The following CD86 variants were observed in gnomAD, a reference collection of about 807,000 sequenced individuals.
CD86 encodes the protein CD86 molecule, also known as T-lymphocyte activation antigen CD86.
In CD86, 11 loss-of-function variants were observed where a neutral mutation model predicts 32.1. The ratio of observed to expected loss-of-function variants is 0.34; its 90% CI spans 0.22 to 0.57. The LOEUF is 0.57. Among genes scored for constraint, CD86 ranks in the 20% least tolerant of loss-of-function variants. The pLI is 0.86. For missense variants in CD86, 359 were observed against 398.4 expected (o/e 0.90, Z 0.84); for synonymous variants, 137 against 135.3 (o/e 1.01, Z -0.09).
At chr3:122,083,453 C>T (rs1258137023) in intron 1 of CD86, among the ~76,000 whole-genome samples, 1 of 152,170 alleles carries the variant, frequency 6.6e-6, no homozygotes, top group Admixed American at 6.5e-5. Context: ...GCCGAGAACT[C>T]TTCCTGTCAA....
intron 4 of CD86, among the ~76,000 whole-genome samples, chr3:122,106,840 G>GCACACACACACACACA (rs56759758): frequency 0.024 from 3,515 of 143,484 alleles, 95 homozygotes; most frequent in African/African-American, 0.059. Context: ...ACATGCGCTT[G>GCACACACACACACACA]CACACACACA....
chr3:122,095,845 A>G (rs2072898891), intron 2 of CD86, among the ~76,000 whole-genome samples: 1 of 152,192 alleles, frequency 6.6e-6, no homozygotes, highest in South Asian at 2.1e-4. Context: ...ATGAGCAATC[A>G]GACAAGTTGA....
Position 122,119,714 on chromosome 3 carries a change from A to G in CD86, c.*180A>G. On this transcript the variant is annotated 3_prime_UTR_variant, in exon 7 of 7. Coordinates refer to ENST00000330540, the MANE Select transcript of CD86 (RefSeq NM_175862.5). ...TAACTCCAGCTCTGCTCCGTATGCC[A>G]AGAGGAGACTTTAATTCTCTTACTG... is the stretch of plus-strand genomic sequence containing the variant. The G allele has an allele frequency of 1.8e-6, 1 of 564,102 alleles. No homozygotes were observed. The highest frequency in any genetic ancestry group is 3.1e-6 in the Non-Finnish European group (1 of 318,442). The allele number at this position is 564,102 out of a possible 1,614,324, so 34.9% of individuals were successfully genotyped here. A position where few individuals can be genotyped will look rare whatever the true frequency, so the allele number is the denominator to read the frequency against.
intron 4 of CD86, 100 bp from the exon 5 acceptor site, chr3:122,109,165 C>T (rs1234582499): frequency 2.3e-6 from 3 of 1,278,560 alleles, no homozygotes; most frequent in Non-Finnish European, 3.3e-6. Context: ...GCCTTAGAGC[C>T]CTGGGGAGAG....
intron 2 of CD86, among the ~76,000 whole-genome samples, chr3:122,098,371 A>G (rs766552418): frequency 2.0e-5 from 3 of 152,308 alleles, no homozygotes; most frequent in Non-Finnish European, 2.9e-5. Context: ...AGGGAACAAC[A>G]TGAGAAGAGG....
At chr3:122,063,036 G>A (rs2072361275) in intron 1 of CD86, among the ~76,000 whole-genome samples, 1 of 152,104 alleles carries the variant, frequency 6.6e-6, no homozygotes, top group African/African-American at 2.4e-5. Flanking sequence ...AAGCAACAAA[G>A]CTGCCTAAAA....
chr3:122,119,663 T>G lies in CD86; in HGVS notation c.*129T>G. 1 of 628,678 alleles carries G rather than the reference T, an allele frequency of 1.6e-6. No individual in the cohort carries two copies. The highest frequency in any genetic ancestry group is 1.8e-5 in the African/African-American group (1 of 54,116). The allele number at this position is 628,678 out of a possible 1,614,324, so 38.9% of individuals were successfully genotyped here. ...ATGAGTAATAAGGGGGCTCCAGGACTCCCTCTAAGTGGAATAGCCTCCCTG... is the reference window on the plus strand; with the variant it reads ...ATGAGTAATAAGGGGGCTCCAGGACGCCCTCTAAGTGGAATAGCCTCCCTG... On this transcript the variant is annotated 3_prime_UTR_variant, in exon 7 of 7. Coordinates refer to ENST00000330540, the MANE Select transcript of CD86 (RefSeq NM_175862.5).
chr3:122,118,117 G>C (rs2073283526), intron 6 of CD86, 24 bp downstream of exon 6: 1 of 1,435,366 alleles, frequency 7.0e-7, no homozygotes, highest in African/African-American at 3.0e-5. Flanking sequence ...CTGAGACATT[G>C]ATGAGAGAGA....
chr3:122,103,757 G>A lies in CD86; in HGVS notation c.310G>A (p.Asp104Asn). The A allele has an allele frequency of 6.2e-7, 1 of 1,613,994 alleles. No individual in the cohort carries two copies. Among genetic ancestry groups the A allele is most frequent in the Non-Finnish European group, 8.5e-7 (1 of 1,179,892 alleles). ...GAGACTTCACAATCTTCAGATCAAG[G>A]ACAAGGGCTTGTATCAATGTATCAT... ...TLRLHNLQIK[D>N]KGLYQCIIHH... Residue 104 changes from aspartate (D) to asparagine (N), a missense_variant, in exon 3 of 7, where the codon GAC becomes AAC. Physicochemically the swap from Asp to Asn is conservative, Grantham distance 23 (BLOSUM62 1). Coordinates refer to ENST00000330540, the MANE Select transcript of CD86 (RefSeq NM_175862.5).
chr3:122,065,998 G>A (rs183216786), intron 1 of CD86, among the ~76,000 whole-genome samples: 1 of 152,236 alleles, frequency 6.6e-6, no homozygotes, highest in East Asian at 1.9e-4. Flanking sequence ...GACCTCTCTG[G>A]CTTGTTAAGT....
At chr3:122,113,711 C>T (rs558092418) in intron 5 of CD86, among the ~76,000 whole-genome samples, 2 of 152,138 alleles carry the variant, frequency 1.3e-5, no homozygotes, top group South Asian at 4.1e-4. Flanking sequence ...AGAAACTTTA[C>T]AAAAATAGAA....
chr3:122,106,268 C>T lies in CD86; in HGVS notation c.471C>T (p.Cys157=), dbSNP rs1247855364. The change falls in exon 4 of 7, where the codon TGC becomes TGT. Residue 157 remains cysteine, a synonymous_variant. Coordinates refer to ENST00000330540, the MANE Select transcript of CD86 (RefSeq NM_175862.5). ...AAAATGTGTACATAAATTTGACCTG[C>T]TCATCTATACACGGTTACCCAGAAC... ...ITENVYINLT[C]SSIHGYPEPK... 2 of 1,613,386 alleles carry T rather than the reference C, an allele frequency of 1.2e-6. No homozygotes were observed. The highest frequency in any genetic ancestry group is 1.7e-6 in the Non-Finnish European group (2 of 1,179,628).
At chr3:122,093,013 C>T (rs1366879819) in intron 2 of CD86, among the ~76,000 whole-genome samples, 1 of 152,194 alleles carries the variant, frequency 6.6e-6, no homozygotes, top group African/African-American at 2.4e-5. Context: ...ACAACAGCAG[C>T]TTCCAACCCC....
chr3:122,117,875 G>A (rs1008124629), intron 5 of CD86, among the ~76,000 whole-genome samples, 173 bp from the exon 6 acceptor site: 1 of 152,188 alleles, frequency 6.6e-6, no homozygotes, highest in Non-Finnish European at 1.5e-5. Flanking sequence ...TTGAATGCAA[G>A]AAACTTCTTC....
chr3:122,101,511 AAAAT>A (rs1386116965), intron 2 of CD86, among the ~76,000 whole-genome samples: 24 of 24,922 alleles, frequency 9.6e-4, no homozygotes, highest in African/African-American at 2.6e-3. Context: ...AAAAAAAAAA[AAAAT>A]ATATATATAT....
chr3:122,062,266 G>A (rs2715278), intron 1 of CD86, among the ~76,000 whole-genome samples: 24,342 of 152,100 alleles, frequency 0.16, 2,101 homozygotes, highest in Non-Finnish European at 0.2. Context: ...ACTACTGATT[G>A]TGGGAATATG....
chr3:122,072,580 TG>T (rs1332687915), intron 1 of CD86, among the ~76,000 whole-genome samples: 6 of 152,252 alleles, frequency 3.9e-5, no homozygotes, highest in Non-Finnish European at 8.8e-5. Context: ...TGGGGTTGTT[TG>T]TTTTTTTCTT....
intron 1 of CD86, among the ~76,000 whole-genome samples, chr3:122,065,805 G>A (rs1450255533): frequency 1.3e-5 from 2 of 152,054 alleles, no homozygotes; most frequent in African/African-American, 2.4e-5. Flanking sequence ...GGAAAAGGCC[G>A]TTTGCATTCT....
Position 122,119,654 on chromosome 3 carries a change from C to A in CD86, c.*120C>A. 1 of 643,020 alleles carries A rather than the reference C, an allele frequency of 1.6e-6. No individual in the cohort carries two copies. Among genetic ancestry groups the A allele is most frequent in the East Asian group, 2.8e-5 (1 of 35,798 alleles). 39.8% of individuals were successfully genotyped at this position (643,020 alleles called of 1,614,324 possible). A position where few individuals can be genotyped will look rare whatever the true frequency, so the allele number is the denominator to read the frequency against. On this transcript the variant is annotated 3_prime_UTR_variant, in exon 7 of 7. Coordinates refer to ENST00000330540, the MANE Select transcript of CD86 (RefSeq NM_175862.5). ...GACATTACCATGAGTAATAAGGGGG[C>A]TCCAGGACTCCCTCTAAGTGGAATA...
Sources: gnomAD v4.1 joint callset for allele counts (sites outside exome capture counted in the v4.1 genomes callset) on GRCh38, gnomAD v4.1.1 for gene constraint, MANE v1.5 for transcripts, NCBI Gene and HGNC (gene_info 2026-07-23, HGNC 2026-07-21) for gene names.